The following WNT7A variants were observed in gnomAD, a reference collection of about 807,000 sequenced individuals.
WNT7A encodes the protein protein Wnt-7a.
Under a neutral mutation model 28.2 loss-of-function variants are expected in WNT7A, and 16 were observed. The ratio of observed to expected loss-of-function variants is 0.57; its 90% CI spans 0.38 to 0.86. The LOEUF (loss-of-function observed/expected upper bound fraction) is 0.86. WNT7A is among the 40% of genes least tolerant of loss of function. The pLI, the probability that WNT7A is intolerant of heterozygous loss-of-function variation, is 0.00. For synonymous variants in WNT7A, 190 were observed against 195.9 expected (o/e 0.97, Z 0.25); for missense variants, 411 against 489.7 (o/e 0.84, Z 1.52).
At chr3:13,856,890 GAAAAAGAAGAA>G (rs1559303176) in intron 2 of WNT7A, among the ~76,000 whole-genome samples, 22 of 69,196 alleles carry the variant, frequency 3.2e-4, no homozygotes, top group African/African-American at 1.4e-3. Context: ...GGAAGAAGAA[GAAAAAGAAGAA>G]GAAGAAGAAG....
intron 2 of WNT7A, among the ~76,000 whole-genome samples, chr3:13,856,115 T>G (rs958228007): frequency 2.0e-5 from 3 of 150,068 alleles, no homozygotes; most frequent in Non-Finnish European, 3.0e-5. Flanking sequence ...CCTGCTGGAC[T>G]GGACAGCTTC....
intron 3 of WNT7A, among the ~76,000 whole-genome samples, chr3:13,836,675 G>T (rs116552725): frequency 1.1e-3 from 164 of 152,312 alleles, no homozygotes; most frequent in African/African-American, 3.5e-3. Context: ...GATAGTCAGG[G>T]AGACAACCAG....
intron 3 of WNT7A, among the ~76,000 whole-genome samples, chr3:13,822,595 T>C (rs187914310): frequency 1.3e-5 from 2 of 152,292 alleles, no homozygotes; most frequent in East Asian, 1.9e-4. Context: ...TGGGTACGGG[T>C]TTCTTTCTGA....
Position 13,879,304 on chromosome 3 carries a change from G to C in WNT7A, c.71+442C>G, listed in dbSNP as rs1369543390. On this transcript the variant is annotated intron_variant, in intron 1 of 3. Coordinates refer to ENST00000285018, the MANE Select transcript of WNT7A (RefSeq NM_004625.4). ...TGGGGACTGCCCAGTCTCTAGGAAC[G>C]GCTGTGCCGCGCCTCCTGAGAGAGT... Among the ~76,000 whole-genome samples, 3 of 152,250 alleles carry C rather than the reference G, an allele frequency of 2.0e-5. No individual in the cohort carries two copies. In the East Asian group the frequency reaches 5.8e-4, roughly 29 times the overall value.
chr3:13,871,321 G>A (rs1024305278), intron 2 of WNT7A, among the ~76,000 whole-genome samples: 3 of 152,208 alleles, frequency 2.0e-5, no homozygotes, highest in Non-Finnish European at 4.4e-5. Context: ...GGGGGTGAGA[G>A]CACTGAGGAG....
intron 3 of WNT7A, among the ~76,000 whole-genome samples, chr3:13,821,632 A>T (rs143125378): frequency 1.2e-4 from 18 of 152,364 alleles, no homozygotes; most frequent in Admixed American, 3.3e-4. Flanking sequence ...GGACTAACTC[A>T]GAAACACAGT....
chr3:13,874,436 C>T (rs759017374), intron 2 of WNT7A, among the ~76,000 whole-genome samples: 13 of 152,236 alleles, frequency 8.5e-5, no homozygotes, highest in South Asian at 2.1e-4. Flanking sequence ...AGGAGTCAAG[C>T]GGATCATGTC....
At chr3:13,836,932 G>A (rs1027465510) in intron 3 of WNT7A, among the ~76,000 whole-genome samples, 2 of 152,234 alleles carry the variant, frequency 1.3e-5, no homozygotes, top group Non-Finnish European at 2.9e-5. Flanking sequence ...GGTAGGAAAG[G>A]AAGGCAAGTT....
intron 3 of WNT7A, among the ~76,000 whole-genome samples, chr3:13,824,689 C>T (rs1297761274): frequency 2.6e-5 from 4 of 152,208 alleles, no homozygotes; most frequent in African/African-American, 9.7e-5. Flanking sequence ...AGCAAGCTCA[C>T]CCCTTCCATG....
At chr3:13,860,849 C>CT (rs1276289062) in intron 2 of WNT7A, among the ~76,000 whole-genome samples, 4 of 152,162 alleles carry the variant, frequency 2.6e-5, no homozygotes, top group Non-Finnish European at 5.9e-5. Context: ...GTGGTCTGTT[C>CT]TATTGCTGTG....
intron 3 of WNT7A, among the ~76,000 whole-genome samples, chr3:13,849,008 A>G (rs1308019653): frequency 6.6e-6 from 1 of 152,232 alleles, no homozygotes; most frequent in African/African-American, 2.4e-5. Flanking sequence ...GTTATACTGT[A>G]AGACCCACCT....
chr3:13,863,430 G>T (rs1414651245), intron 2 of WNT7A, among the ~76,000 whole-genome samples: 2 of 151,956 alleles, frequency 1.3e-5, no homozygotes, highest in African/African-American at 4.8e-5. Flanking sequence ...ATGTGTGTGT[G>T]TGTATGTGTA....
At chr3:13,869,175 A>T (rs1694987610) in intron 2 of WNT7A, among the ~76,000 whole-genome samples, 1 of 145,260 alleles carries the variant, frequency 6.9e-6, no homozygotes, top group Admixed American at 6.9e-5. Flanking sequence ...GAAAAGAGAG[A>T]ATGGAAGGAA....
rs747352730 is a variant in WNT7A at position 13,875,189 on chromosome 3, C to A, written c.72-16G>T. 7 of 1,613,544 alleles carry A rather than the reference C, an allele frequency of 4.3e-6. No homozygotes were observed. The highest frequency in any genetic ancestry group is 5.9e-6 in the Non-Finnish European group (7 of 1,179,860). On this transcript the variant is annotated splice_polypyrimidine_tract_variant and intron_variant, in intron 1 of 3. Transcript: ENST00000285018. ...GGAGAAGCCACTGGAGGGAGAGACA[C>A]AGAGAGATGGAGCATTAGGCCAGCA...
chr3:13,850,700 G>T (rs1459980094), intron 3 of WNT7A, among the ~76,000 whole-genome samples: 1 of 152,020 alleles, frequency 6.6e-6, no homozygotes, highest in Non-Finnish European at 1.5e-5. Flanking sequence ...CAGGCCCCCG[G>T]AGCTCCCTGG....
chr3:13,878,361 T>C (rs1437518888), intron 1 of WNT7A, among the ~76,000 whole-genome samples: 6 of 152,096 alleles, frequency 3.9e-5, no homozygotes, highest in South Asian at 4.1e-4. Flanking sequence ...ACTGGCTTCC[T>C]GGATGCTGAA....
chr3:13,850,106 T>C (rs982645555), intron 3 of WNT7A, among the ~76,000 whole-genome samples: 2 of 152,242 alleles, frequency 1.3e-5, no homozygotes, highest in Non-Finnish European at 2.9e-5. Flanking sequence ...TGCAAGCCTT[T>C]CCATTCGCAA....
chr3:13,853,488 G>A (rs1337511013), intron 3 of WNT7A, among the ~76,000 whole-genome samples: 2 of 152,084 alleles, frequency 1.3e-5, no homozygotes, highest in African/African-American at 4.8e-5. Context: ...CCCTACCTCT[G>A]GGTCTGTGTC....
At chr3:13,869,114 G>A (rs542302449) in intron 2 of WNT7A, among the ~76,000 whole-genome samples, 314 of 148,468 alleles carry the variant, frequency 2.1e-3, no homozygotes, top group Admixed American at 4.3e-3. Flanking sequence ...GAGGGAGAGA[G>A]AGGGAGGGAG....
Sources: allele counts gnomAD v4.1 joint callset (sites outside exome capture counted in the v4.1 genomes callset), GRCh38; gene constraint gnomAD v4.1.1; transcripts MANE v1.5; gene names NCBI Gene and HGNC (gene_info 2026-07-23, HGNC 2026-07-21).